The following IL20RB variants were observed in gnomAD, a reference collection of about 807,000 sequenced individuals.
IL20RB encodes interleukin 20 receptor subunit beta.
Under a neutral mutation model 33.3 loss-of-function variants are expected in IL20RB, and 21 were observed. That is an observed-to-expected ratio of 0.63 (90% CI 0.45 to 0.91). The LOEUF is 0.91. Among genes scored for constraint, IL20RB ranks in the 40% least tolerant of loss-of-function variants. IL20RB has a pLI of 0.00. For missense variants in IL20RB, 345 were observed against 384.8 expected, an observed-to-expected ratio of 0.90 and a Z score of 0.86; for synonymous variants, 147 against 146.8, an observed-to-expected ratio of 1.00 and a Z score of -0.01.
At chr3:136,995,874 C>G (rs568961947) in intron 6 of IL20RB, among the ~76,000 whole-genome samples, 1 of 152,328 alleles carries the variant, frequency 6.6e-6, no homozygotes, top group South Asian at 2.1e-4. Flanking sequence ...GTCTTACCCT[C>G]CCAGACTGGC....
chr3:137,001,987 A>G lies in IL20RB; in HGVS notation c.825+6431A>G, dbSNP rs1274587024. On this transcript the variant is annotated intron_variant, in intron 6 of 6. Transcript: ENST00000329582. Reference sequence around the variant, plus strand: ...CCCTGCACTGTGTCCAAGTGATCTCATTGTTCAATTCCCACCTATGAGTGA... The same window carrying G: ...CCCTGCACTGTGTCCAAGTGATCTCGTTGTTCAATTCCCACCTATGAGTGA... Among the ~76,000 whole-genome samples, 3 of 151,904 alleles carry G rather than the reference A, an allele frequency of 2.0e-5. No individual in the cohort carries two copies. The East Asian group carries it at 5.8e-4, about 29-fold the overall frequency.
chr3:136,971,482 C>T (rs528040491), intron 1 of IL20RB, among the ~76,000 whole-genome samples: 1 of 152,334 alleles, frequency 6.6e-6, no homozygotes, highest in South Asian at 2.1e-4. Flanking sequence ...TCTTCATCCT[C>T]CCACTCCCAC....
intron 1 of IL20RB, chr3:136,980,199 C>T: frequency 2.1e-6 from 1 of 473,708 alleles, no homozygotes; most frequent in Non-Finnish European, 3.8e-6. Flanking sequence ...CATTTATCAA[C>T]AAAGTCAGAA....
Position 137,010,278 on chromosome 3 carries a change from C to T in IL20RB, c.*55C>T, listed in dbSNP as rs943202830. 4.0e-5 allele frequency: 33 copies of T among 820,228 alleles called. No individual in the cohort carries two copies. The highest frequency in any genetic ancestry group is 5.0e-5 in the Non-Finnish European group (23 of 464,126). The allele number at this position is 820,228 out of a possible 1,614,324, so 50.8% of individuals were successfully genotyped here. A position where few individuals can be genotyped will look rare whatever the true frequency, so the allele number is the denominator to read the frequency against. On this transcript the variant is annotated 3_prime_UTR_variant, in exon 7 of 7. Transcript: ENST00000329582. ...AACCTGGTCTGCATGACATGGAAAC[C>T]ATGAGGGGACAAGTTGTGTTTCTGT...
chr3:136,989,531 T>C lies in IL20RB; in HGVS notation c.497T>C (p.Leu166Pro). The C allele has an allele frequency of 3.1e-6, 5 of 1,614,026 alleles. No individual in the cohort carries two copies. The highest frequency in any genetic ancestry group is 4.2e-6 in the Non-Finnish European group (5 of 1,179,954). Residue 166 changes from leucine to proline, a missense_variant, in exon 4 of 7, where the codon CTT becomes CCT. Leu to Pro is a moderately conservative substitution (Grantham distance 98). Transcript: ENST00000329582. Reference sequence around the variant, plus strand: ...GACCTGGGGCCCCAGTTTGAGTTCCTTGTGGCCTACTGGAGGAGGGAGCCT... The same window carrying C: ...GACCTGGGGCCCCAGTTTGAGTTCCCTGTGGCCTACTGGAGGAGGGAGCCT... ...LEDLGPQFEF[L>P]VAYWRREPGA...
chr3:136,971,746 C>T (rs1326934424), intron 1 of IL20RB, among the ~76,000 whole-genome samples: 1 of 152,128 alleles, frequency 6.6e-6, no homozygotes, highest in Non-Finnish European at 1.5e-5. Context: ...CTGATGGACA[C>T]TTAGGTTGAT....
At chr3:136,985,185 A>G (rs945978291) in intron 3 of IL20RB, among the ~76,000 whole-genome samples, 4 of 152,178 alleles carry the variant, frequency 2.6e-5, no homozygotes, top group Non-Finnish European at 5.9e-5. Context: ...ATGATATCCA[A>G]GCAAATAGGC....
chr3:136,990,870 T>C (rs1195823492), intron 4 of IL20RB, among the ~76,000 whole-genome samples: 2 of 152,236 alleles, frequency 1.3e-5, no homozygotes, highest in Non-Finnish European at 2.9e-5. Flanking sequence ...GATATGGCAT[T>C]GCCAGCCAGG....
intron 3 of IL20RB, among the ~76,000 whole-genome samples, chr3:136,982,665 G>C (rs1338896256): frequency 6.8e-6 from 1 of 147,032 alleles, no homozygotes; most frequent in African/African-American, 2.5e-5. Flanking sequence ...CAGGACTGCT[G>C]CTCCCTACTC....
chr3:137,004,551 G>T (rs562108600), intron 6 of IL20RB, among the ~76,000 whole-genome samples: 4 of 152,060 alleles, frequency 2.6e-5, no homozygotes, highest in African/African-American at 7.2e-5. Flanking sequence ...GTTTATTTGC[G>T]TAGAGGTGTT....
chr3:136,986,727 C>G, intron 3 of IL20RB: 1 of 456,830 alleles, frequency 2.2e-6, no homozygotes, highest in Non-Finnish European at 4.4e-6. Flanking sequence ...CACTTGTGTC[C>G]GGAATTGGTG....
chr3:136,980,417 C>G (rs747731163), intron 1 of IL20RB, 49 bp from the exon 2 acceptor site: 3 of 1,612,916 alleles, frequency 1.9e-6, no homozygotes, highest in Non-Finnish European at 2.5e-6. Context: ...CTATGGCATT[C>G]CCCCACTATG....
In IL20RB at chr3:136,991,228, G is replaced by A. The variant is rs1054786431; in HGVS notation, c.532-710G>A. ...CTCAAGTCAGGGTCTCTGCACAAAT[G>A]TTACCCTATCAGAGAAGCCTTCTCT... On this transcript the variant is annotated intron_variant, in intron 4 of 6. Transcript: ENST00000329582. Among the ~76,000 whole-genome samples, 8 of 152,336 alleles carry A rather than the reference G, an allele frequency of 5.3e-5. No homozygotes were observed. The East Asian group carries it at 1.5e-3, about 29-fold the overall frequency.
intron 6 of IL20RB, among the ~76,000 whole-genome samples, chr3:137,002,775 T>C (rs1234820126): frequency 1.3e-5 from 2 of 152,208 alleles, no homozygotes; most frequent in African/African-American, 4.8e-5. Flanking sequence ...TTAGGTTAAT[T>C]ATATCCCATT....
intron 6 of IL20RB, among the ~76,000 whole-genome samples, chr3:137,003,081 G>A (rs1207964660): frequency 1.3e-5 from 2 of 152,184 alleles, no homozygotes; most frequent in African/African-American, 4.8e-5. Context: ...GATGGTTGTA[G>A]ATGTGTGGTG....
chr3:137,006,447 G>A (rs1215257999), intron 6 of IL20RB, among the ~76,000 whole-genome samples: 2 of 151,922 alleles, frequency 1.3e-5, no homozygotes, highest in African/African-American at 4.8e-5. Context: ...CATATTTCTT[G>A]GAGGCTTTGT....
At chr3:136,993,690 G>A (rs531129969) in intron 5 of IL20RB, among the ~76,000 whole-genome samples, 1 of 151,958 alleles carries the variant, frequency 6.6e-6, no homozygotes, top group South Asian at 2.1e-4. Flanking sequence ...CTGTTCTCGC[G>A]ATAGTTTGCT....
At chr3:137,009,508 G>T (rs1349368312) in intron 6 of IL20RB, among the ~76,000 whole-genome samples, 1 of 152,078 alleles carries the variant, frequency 6.6e-6, no homozygotes. Flanking sequence ...ATAATTCTCA[G>T]AGCTCTGTGG....
rs781161058 is a variant in IL20RB at position 136,989,505 on chromosome 3, G to T, written c.471G>T (p.Glu157Asp). The T allele has an allele frequency of 1.8e-5, 29 of 1,613,982 alleles. No homozygotes were observed. Among genetic ancestry groups the T allele is most frequent in the Admixed American group, 3.3e-5 (2 of 60,008 alleles). Residue 157 changes from glutamate (E) to aspartate (D), a missense_variant, in exon 4 of 7, where the codon GAG becomes GAT. Glu to Asp is a conservative substitution (Grantham distance 45, BLOSUM62 2). Transcript: ENST00000329582. ...KDGFHLVIEL[E>D]DLGPQFEFLV... is the part of the protein sequence containing the mutation. ...GCTTCCACCTGGTTATTGAGCTGGA[G>T]GACCTGGGGCCCCAGTTTGAGTTCC... is the stretch of plus-strand genomic sequence containing the variant.
Sources: allele counts gnomAD v4.1 joint callset (sites outside exome capture counted in the v4.1 genomes callset), GRCh38; gene constraint gnomAD v4.1.1; transcripts MANE v1.5; gene names NCBI Gene and HGNC (gene_info 2026-07-23, HGNC 2026-07-21).